Variants in DLGAP1 observed in about 807,000 individuals in gnomAD.
DLGAP1 encodes DLG associated protein 1.
In DLGAP1, 11 loss-of-function variants were observed where a neutral mutation model predicts 90.8. That is an observed-to-expected ratio of 0.12 (90% CI 0.08 to 0.20). The LOEUF is 0.20. Among genes scored for constraint, DLGAP1 ranks in the 10% least tolerant of loss-of-function variants. The probability of loss-of-function intolerance (pLI) is 1.00; values close to 1 mark genes in which losing one functional copy is unlikely to be tolerated. For synonymous variants in DLGAP1, 558 were observed against 540.7 expected, an observed-to-expected ratio of 1.03 and a Z score of -0.44; for missense variants, 1,050 against 1,333.8, an observed-to-expected ratio of 0.79 and a Z score of 3.31.
chr18:3,951,607 T>C (rs1434689989), intron 3 of DLGAP1, among the ~76,000 whole-genome samples: 1 of 152,234 alleles, frequency 6.6e-6, no homozygotes, highest in African/African-American at 2.4e-5. Context: ...ATGGTTTGGC[T>C]GTGTCTTTAT....
At chr18:3,847,892 C>A (rs2069105392) in intron 4 of DLGAP1, among the ~76,000 whole-genome samples, 1 of 152,034 alleles carries the variant, frequency 6.6e-6, no homozygotes, top group Admixed American at 6.6e-5. Flanking sequence ...TGTCTCACTT[C>A]TGTAATCCCA....
chr18:4,313,770 C>G (rs1202944668), intron 1 of DLGAP1, among the ~76,000 whole-genome samples: 1 of 152,178 alleles, frequency 6.6e-6, no homozygotes, highest in Non-Finnish European at 1.5e-5. Context: ...AACTTCACTA[C>G]AGATTAGGAC....
At chr18:3,810,901 G>A (rs1309873820) in intron 5 of DLGAP1, among the ~76,000 whole-genome samples, 1 of 152,042 alleles carries the variant, frequency 6.6e-6, no homozygotes. Context: ...GACTTCCTGG[G>A]TTCAAATGAT....
chr18:4,312,607 A>G (rs1568507294), intron 1 of DLGAP1, among the ~76,000 whole-genome samples: 1 of 152,340 alleles, frequency 6.6e-6, no homozygotes, highest in Non-Finnish European at 1.5e-5. Flanking sequence ...GATGAGGGGC[A>G]TCTGTACTTC....
intron 11 of DLGAP1, among the ~76,000 whole-genome samples, chr18:3,506,330 A>G (rs2050213597): frequency 6.6e-6 from 1 of 151,868 alleles, no homozygotes; most frequent in Admixed American, 6.6e-5. Context: ...CCTGACCAAC[A>G]TGGAGAAACC....
chr18:4,219,308 AT>A (rs755693243), intron 1 of DLGAP1, among the ~76,000 whole-genome samples: 2 of 151,210 alleles, frequency 1.3e-5, no homozygotes, highest in Non-Finnish European at 1.5e-5. Flanking sequence ...TCCATTGCCC[AT>A]TTTTTTTGGA....
intron 1 of DLGAP1, among the ~76,000 whole-genome samples, chr18:4,292,824 C>T (rs1319189878): frequency 6.6e-6 from 1 of 152,072 alleles, no homozygotes; most frequent in African/African-American, 2.4e-5. Context: ...TGACATGGGA[C>T]CAAACAACTT....
intron 1 of DLGAP1, among the ~76,000 whole-genome samples, chr18:4,279,378 A>T (rs759527414): frequency 6.6e-6 from 1 of 152,222 alleles, no homozygotes; most frequent in Non-Finnish European, 1.5e-5. Context: ...GGCATTTTAG[A>T]TACACCAAGT....
chr18:3,533,285 G>C (rs1037410571), intron 10 of DLGAP1, among the ~76,000 whole-genome samples: 8 of 152,192 alleles, frequency 5.3e-5, no homozygotes, highest in African/African-American at 1.7e-4. Flanking sequence ...GTGCGAAAAA[G>C]AGTGTCCATT....
At chr18:3,880,423 C>A (rs2071125617) in intron 3 of DLGAP1, among the ~76,000 whole-genome samples, 1 of 152,092 alleles carries the variant, frequency 6.6e-6, no homozygotes, top group African/African-American at 2.4e-5. Flanking sequence ...GCTGTCCTCC[C>A]ACTTTGGCCT....
At chr18:3,647,886 A>G (rs899933947) in intron 7 of DLGAP1, among the ~76,000 whole-genome samples, 3 of 152,348 alleles carry the variant, frequency 2.0e-5, no homozygotes, top group Admixed American at 6.5e-5. Flanking sequence ...AGTTATGGCT[A>G]CGAAGTTTGA....
intron 7 of DLGAP1, among the ~76,000 whole-genome samples, chr18:3,678,411 T>C (rs1334045693): frequency 6.6e-6 from 1 of 152,102 alleles, no homozygotes; most frequent in Non-Finnish European, 1.5e-5. Context: ...CTCCTTCACG[T>C]TTTCTCTCAT....
rs58513784 is a variant in DLGAP1 at position 4,135,790 on chromosome 18, C to CTTT, written c.-159+15387_-159+15389dup. ...TTGTTGTAAATGAGAGAATCTGATT[C>CTTT]TTTTTTTTTTTTTTTTTACGGCTGA... On this transcript the variant is annotated intron_variant, in intron 2 of 12. Transcript: ENST00000315677. 5.1e-3 allele frequency among the ~76,000 whole-genome samples: 653 copies of CTTT among 127,314 alleles called. 13 individuals carry two copies. Among genetic ancestry groups the CTTT allele is most frequent in the African/African-American group, 0.018 (598 of 33,108 alleles). 83.5% of individuals were successfully genotyped at this position (127,314 alleles called of 152,430 possible).
chr18:4,343,115 G>A (rs917487588), intron 1 of DLGAP1, among the ~76,000 whole-genome samples: 1 of 152,048 alleles, frequency 6.6e-6, no homozygotes, highest in Non-Finnish European at 1.5e-5. Flanking sequence ...AGACCATCCT[G>A]TCTAACATGG....
chr18:4,037,501 T>C lies in DLGAP1; in HGVS notation c.-158-32300A>G, dbSNP rs1034631670. Among the ~76,000 whole-genome samples the C allele has an allele frequency of 7.9e-5, 12 of 152,200 alleles. No individual in the cohort carries two copies. In the East Asian group the frequency reaches 2.1e-3, roughly 27 times the overall value. On this transcript the variant is annotated intron_variant, in intron 2 of 12. Transcript: ENST00000315677. The stretch of plus-strand genomic sequence containing the variant: ...TATATTACTGTAACAAATCTGAACA[T>C]GGATTTTTTATTCAGTTATAATTAA...
In DLGAP1 at chr18:4,216,342, CA is replaced by C. The variant is rs373185771; in HGVS notation, c.-266-65056del. The stretch of plus-strand genomic sequence containing the variant: ...TGACACATGGGGATTATGGGAACTA[CA>C]ATTCAATGAGACTTGGCTGGTGACA... On this transcript the variant is annotated intron_variant, in intron 1 of 12. Transcript: ENST00000315677. Among the ~76,000 whole-genome samples the C allele has an allele frequency of 6.5e-3, 981 of 151,972 alleles. 11 individuals are homozygous for C. The highest frequency in any genetic ancestry group is 0.023 in the African/African-American group (940 of 41,448).
At chr18:3,576,368 T>C (rs2055135499) in intron 8 of DLGAP1, among the ~76,000 whole-genome samples, 2 of 151,108 alleles carry the variant, frequency 1.3e-5, no homozygotes, top group South Asian at 4.2e-4. Flanking sequence ...CAATCAATTC[T>C]CTGTCTCAGC....
chr18:4,132,955 G>T (rs114641378), intron 2 of DLGAP1, among the ~76,000 whole-genome samples: 1 of 152,190 alleles, frequency 6.6e-6, no homozygotes, highest in Non-Finnish European at 1.5e-5. Flanking sequence ...GGTAATGCAA[G>T]GATACTTCAG....
Position 3,600,793 on chromosome 18 carries a change from G to GATATATAGATATATAGATATATATAGAT in DLGAP1, c.1592-18573_1592-18546dup, listed in dbSNP as rs1568278173. ...ATATATAGATATATAGATATATATA[G>GATATATAGATATATAGATATATATAGAT]ATATATAGATATATAGATATATATA... On this transcript the variant is annotated intron_variant, in intron 7 of 12. Transcript: ENST00000315677. Among the ~76,000 whole-genome samples, 234 of 28,932 alleles carry GATATATAGATATATAGATATATATAGAT rather than the reference G, an allele frequency of 8.1e-3. 8 individuals are homozygous for GATATATAGATATATAGATATATATAGAT. The highest frequency in any genetic ancestry group is 0.014 in the South Asian group (17 of 1,204). 19.0% of individuals were successfully genotyped at this position (28,932 alleles called of 152,430 possible).
Sources: gnomAD v4.1 joint callset for allele counts (sites outside exome capture counted in the v4.1 genomes callset) on GRCh38, gnomAD v4.1.1 for gene constraint, MANE v1.5 for transcripts, NCBI Gene and HGNC (gene_info 2026-07-23, HGNC 2026-07-21) for gene names.